CDH12: variants seen among roughly 807,000 people sequenced by gnomAD.
CDH12 encodes the protein cadherin-12.
Under a neutral mutation model 74.1 loss-of-function variants are expected in CDH12, and 41 were observed. The observed-to-expected ratio is 0.55, with a 90% CI of 0.43 to 0.72. The LOEUF (loss-of-function observed/expected upper bound fraction) is 0.72, where lower values mean the gene tolerates loss of function less well. Among genes scored for constraint, CDH12 ranks in the 30% least tolerant of loss-of-function variants. The pLI is 0.00. For synonymous variants in CDH12, 399 were observed against 355.0 expected (o/e 1.12, Z -1.39); for missense variants, 945 against 977.2 (o/e 0.97, Z 0.44).
chr5:22,656,193 T>A (rs1244762648), intron 1 of CDH12, among the ~76,000 whole-genome samples: 1 of 152,184 alleles, frequency 6.6e-6, no homozygotes, highest in Non-Finnish European at 1.5e-5. Flanking sequence ...TTTGTTACAT[T>A]ATAATAATCA....
intron 3 of CDH12, among the ~76,000 whole-genome samples, chr5:22,392,970 A>T (rs1238490126): frequency 6.6e-6 from 1 of 151,868 alleles, no homozygotes; most frequent in East Asian, 1.9e-4. Context: ...CAGGCAGCCT[A>T]TTTTTTTTCT....
At chr5:22,007,874 T>C (rs1165291903) in intron 5 of CDH12, among the ~76,000 whole-genome samples, 2 of 152,228 alleles carry the variant, frequency 1.3e-5, no homozygotes, top group Admixed American at 6.5e-5. Flanking sequence ...TCCTAGATTT[T>C]TTTCATTATC....
chr5:22,688,427 A>T (rs1016586314), intron 1 of CDH12, among the ~76,000 whole-genome samples: 1 of 152,232 alleles, frequency 6.6e-6, no homozygotes, highest in Non-Finnish European at 1.5e-5. Context: ...TTTGAATTTA[A>T]AAAATAGTAA....
chr5:22,170,677 G>A (rs1748970305), intron 4 of CDH12, among the ~76,000 whole-genome samples: 2 of 151,340 alleles, frequency 1.3e-5, no homozygotes, highest in South Asian at 4.1e-4. Flanking sequence ...CTGAACTCAC[G>A]TTTCTATGTC....
chr5:21,865,157 A>C (rs899513412), intron 6 of CDH12, among the ~76,000 whole-genome samples: 1 of 152,214 alleles, frequency 6.6e-6, no homozygotes, highest in African/African-American at 2.4e-5. Flanking sequence ...ACTCAGCAGA[A>C]GAAATATCTA....
chr5:22,531,255 G>A (rs1023221528), intron 1 of CDH12, among the ~76,000 whole-genome samples: 2 of 152,084 alleles, frequency 1.3e-5, no homozygotes, highest in East Asian at 3.9e-4. Flanking sequence ...GCATGTTTTT[G>A]AGAGAGGGTA....
intron 4 of CDH12, among the ~76,000 whole-genome samples, chr5:22,084,830 C>G (rs1449549587): frequency 4.6e-5 from 7 of 152,134 alleles, no homozygotes; most frequent in Admixed American, 6.5e-5. Context: ...ACAACTCCCC[C>G]AGGCATGAAA....
intron 8 of CDH12, among the ~76,000 whole-genome samples, chr5:21,817,572 T>C (rs1472645541): frequency 6.6e-6 from 1 of 152,002 alleles, no homozygotes; most frequent in Non-Finnish European, 1.5e-5. Context: ...GATATATAGA[T>C]ATAGAAAGTT....
intron 6 of CDH12, among the ~76,000 whole-genome samples, 162 bp from the exon 7 acceptor site, chr5:21,854,952 G>A (rs1481616055): frequency 1.3e-5 from 2 of 151,728 alleles, no homozygotes; most frequent in Admixed American, 1.3e-4. Flanking sequence ...TAACCAAAAT[G>A]TTGAGCAATG....
chr5:21,854,069 A>G (rs1376468139), intron 7 of CDH12, among the ~76,000 whole-genome samples: 1 of 151,688 alleles, frequency 6.6e-6, no homozygotes, highest in Non-Finnish European at 1.5e-5. Context: ...TTCCACATGC[A>G]TAGCCTCCTG....
chr5:21,765,807 A>G (rs1186320939), intron 11 of CDH12, among the ~76,000 whole-genome samples: 1 of 152,078 alleles, frequency 6.6e-6, no homozygotes. Context: ...TATTATCTGG[A>G]TCTCTGTCAT....
rs952518258 is a variant in CDH12, at chr5:22,232,705, TTC to T, written c.-332-20064_-332-20063del. 4.4e-3 allele frequency among the ~76,000 whole-genome samples: 665 copies of T among 151,566 alleles called. 6 individuals carry two copies. Among genetic ancestry groups the T allele is most frequent in the African/African-American group, 0.015 (622 of 41,478 alleles). On this transcript the variant is annotated intron_variant, in intron 3 of 14. Transcript: ENST00000382254. ...AGTTGAGAAGAAAGCTTCTCTCTCT[TTC>T]TCTCTGTGTCTAACTTTTAGCACTT...
chr5:22,568,252 T>C (rs986146128), intron 1 of CDH12, among the ~76,000 whole-genome samples: 2 of 152,176 alleles, frequency 1.3e-5, no homozygotes, highest in Non-Finnish European at 2.9e-5. Context: ...GAGAACTTAC[T>C]GTATTTATCT....
At chr5:22,261,051 A>ATGTGTG (rs541034254) in intron 3 of CDH12, among the ~76,000 whole-genome samples, 1 of 141,810 alleles carries the variant, frequency 7.1e-6, no homozygotes, top group East Asian at 2.0e-4. Flanking sequence ...CTATATATAT[A>ATGTGTG]TGTGTGTGTG....
At chr5:21,784,429 G>C (rs1451961471) in intron 10 of CDH12, among the ~76,000 whole-genome samples, 4 of 152,088 alleles carry the variant, frequency 2.6e-5, no homozygotes, top group Non-Finnish European at 5.9e-5. Context: ...TGAGAAAAGA[G>C]AAAGCATAGA....
intron 4 of CDH12, among the ~76,000 whole-genome samples, chr5:22,104,809 T>G (rs529197336): frequency 3.9e-5 from 6 of 152,306 alleles, no homozygotes; most frequent in South Asian, 4.1e-4. Flanking sequence ...TATCTCTTTT[T>G]CAGTGAGAGA....
chr5:22,705,598 C>T (rs193284800), intron 1 of CDH12, among the ~76,000 whole-genome samples: 31 of 150,546 alleles, frequency 2.1e-4, no homozygotes, highest in Non-Finnish European at 4.0e-4. Flanking sequence ...TTATTAAAAC[C>T]CTTACAATAT....
At chr5:22,794,316 G>A (rs532410667) in intron 1 of CDH12, among the ~76,000 whole-genome samples, 2 of 152,298 alleles carry the variant, frequency 1.3e-5, no homozygotes, top group East Asian at 1.9e-4. Flanking sequence ...GAATATTTGA[G>A]TACTAGAAAA....
intron 6 of CDH12, among the ~76,000 whole-genome samples, chr5:21,893,257 T>C (rs965532073): frequency 6.6e-6 from 1 of 152,068 alleles, no homozygotes; most frequent in Non-Finnish European, 1.5e-5. Context: ...TTAGTCTAAG[T>C]TGTGGTTGAG....
Sources: allele counts gnomAD v4.1 joint callset (sites outside exome capture counted in the v4.1 genomes callset), GRCh38; gene constraint gnomAD v4.1.1; transcripts MANE v1.5; gene names NCBI Gene and HGNC (gene_info 2026-07-23, HGNC 2026-07-21).